SYCP2L: variants seen among roughly 807,000 people sequenced by gnomAD.
SYCP2L encodes synaptonemal complex protein 2 like.
In SYCP2L, 98 loss-of-function variants were observed where a neutral mutation model predicts 125.8. That is an observed-to-expected ratio of 0.78 (90% CI 0.66 to 0.92). SYCP2L has a LOEUF of 0.92. SYCP2L is among the 40% of genes least tolerant of loss of function. SYCP2L has a pLI of 0.00. For missense variants in SYCP2L, 842 were observed against 936.4 expected, an observed-to-expected ratio of 0.90 and a Z score of 1.32; for synonymous variants, 317 against 325.4, an observed-to-expected ratio of 0.97 and a Z score of 0.28.
intron 9 of SYCP2L, among the ~76,000 whole-genome samples, chr6:10,906,580 G>T (rs1188240066): frequency 6.6e-6 from 1 of 151,264 alleles, no homozygotes; most frequent in Non-Finnish European, 1.5e-5. Flanking sequence ...GTTATTTTGG[G>T]ATTTTATTTT....
Position 10,902,904 on chromosome 6 carries a change from C to T in SYCP2L, c.582C>T (p.His194=), listed in dbSNP as rs781782154. The change falls in exon 8 of 30, where the codon CAC becomes CAT. Residue 194 remains histidine (H), a synonymous_variant. Transcript: ENST00000283141. ...EGLKTFNCIL[H]AVPREERKKF... ...TGAAGACTTTTAACTGCATTTTGCA[C>T]GCTGTCCCTCGAGAAGAGAGAAAAA... 4.5e-5 allele frequency: 73 copies of T among 1,614,054 alleles called. No homozygotes were observed. The East Asian group carries it at 6.0e-4, about 13-fold the overall frequency.
chr6:10,919,761 G>A (rs1413352649), intron 14 of SYCP2L, among the ~76,000 whole-genome samples: 1 of 152,098 alleles, frequency 6.6e-6, no homozygotes, highest in Non-Finnish European at 1.5e-5. Flanking sequence ...GGCTGCTGTG[G>A]GGATATGGGT....
chr6:10,939,180 G>T (rs1048880994), intron 21 of SYCP2L, among the ~76,000 whole-genome samples: 3 of 151,886 alleles, frequency 2.0e-5, no homozygotes, highest in African/African-American at 7.3e-5. Flanking sequence ...AATAACCAAG[G>T]AGGTGAAAGG....
At chr6:10,905,656 G>C (rs1439242029) in intron 8 of SYCP2L, among the ~76,000 whole-genome samples, 1 of 152,126 alleles carries the variant, frequency 6.6e-6, no homozygotes, top group Non-Finnish European at 1.5e-5. Flanking sequence ...ATCATTTCCT[G>C]CAAGTATCAA....
chr6:10,914,719 TG>T (rs1421490164), intron 14 of SYCP2L, among the ~76,000 whole-genome samples: 3 of 150,346 alleles, frequency 2.0e-5, no homozygotes, highest in Non-Finnish European at 3.0e-5. Flanking sequence ...TTCACCTCCT[TG>T]GTTAGGTATA....
At position 10,917,243 on chromosome 6, in the gene SYCP2L, A is replaced by G. The variant is rs532695004; in HGVS notation, c.1072+4316A>G. Among the ~76,000 whole-genome samples the G allele has an allele frequency of 6.6e-5, 10 of 152,276 alleles. No homozygotes were observed. The South Asian group carries it at 2.1e-3, about 32-fold the overall frequency. On this transcript the variant is annotated intron_variant, in intron 14 of 29. Transcript: ENST00000283141. ...ACCTGTTTAGTGCTGTCAGTGGAGT[A>G]TTGAAGTCCCCCACGATTATCGTGT...
In SYCP2L at chr6:10,935,069, A is replaced by G. The variant is rs372352728; in HGVS notation, c.1695A>G (p.Leu565=). 3.8e-5 allele frequency: 61 copies of G among 1,607,630 alleles called. No individual in the cohort carries two copies. The African/African-American group carries it at 4.7e-4, about 12-fold the overall frequency. The change falls in exon 21 of 30, where the codon CTA becomes CTG. Residue 565 remains leucine, a synonymous_variant. Transcript: ENST00000283141. ...ATACTATATTTTAGGCTAAGCTTCTATCACCATCAGAGAAAGAAATACCCG... is the reference window on the plus strand; with the variant it reads ...ATACTATATTTTAGGCTAAGCTTCTGTCACCATCAGAGAAAGAAATACCCG... ...SGHEKDQAKL[L]SPSEKEIPEQ... is the part of the protein sequence containing the mutation.
chr6:10,935,774 C>T (rs954142094), intron 21 of SYCP2L, among the ~76,000 whole-genome samples: 6 of 152,226 alleles, frequency 3.9e-5, no homozygotes, highest in South Asian at 2.1e-4. Context: ...GGACTACAGG[C>T]GTGAGCCACC....
At position 10,969,408 on chromosome 6, in the gene SYCP2L, T is replaced by C. The variant is rs1037126050; in HGVS notation, c.*38-4544T>C. 2.4e-4 allele frequency among the ~76,000 whole-genome samples: 36 copies of C among 147,968 alleles called. 1 individual carries two copies. Among genetic ancestry groups the C allele is most frequent in the South Asian group, 2.0e-3 (9 of 4,612 alleles). ...TGGAGTCTAGCTGTGTCGCCCAGGC[T>C]GGAGTGCAGTGGCATGATCTTGGCT... is the stretch of plus-strand genomic sequence containing the variant. On this transcript the variant is annotated intron_variant, in intron 29 of 29. Transcript: ENST00000283141.
intron 28 of SYCP2L, among the ~76,000 whole-genome samples, chr6:10,962,699 CTA>C (rs1213673448): frequency 1.3e-5 from 2 of 151,962 alleles, no homozygotes; most frequent in African/African-American, 2.4e-5. Context: ...TGAAAAATAA[CTA>C]TGACTTTTCA....
chr6:10,945,244 G>T (rs1390655717), intron 23 of SYCP2L, among the ~76,000 whole-genome samples: 1 of 152,150 alleles, frequency 6.6e-6, no homozygotes, highest in African/African-American at 2.4e-5. Context: ...GTGGTTAAAA[G>T]AGTATATTTC....
chr6:10,898,751 A>G, intron 5 of SYCP2L, 73 bp from the exon 6 acceptor site: 1 of 1,009,516 alleles, frequency 9.9e-7, no homozygotes. Flanking sequence ...AGTTAACACT[A>G]ATACATTCAC....
chr6:10,911,022 G>T (rs116459338), intron 12 of SYCP2L, among the ~76,000 whole-genome samples, 153 bp downstream of exon 12: 1 of 152,004 alleles, frequency 6.6e-6, no homozygotes, highest in Non-Finnish European at 1.5e-5. Flanking sequence ...TTCTCAAACC[G>T]ATCATACCAT....
intron 29 of SYCP2L, among the ~76,000 whole-genome samples, chr6:10,964,333 T>G (rs1781643613): frequency 6.6e-6 from 1 of 152,140 alleles, no homozygotes; most frequent in African/African-American, 2.4e-5. Flanking sequence ...CAGTAAGTGT[T>G]TATAACTGAA....
rs755582038 is a variant in SYCP2L at position 10,902,758 on chromosome 6, A to T, written c.548A>T (p.Gln183Leu). 8.7e-6 allele frequency: 14 copies of T among 1,614,016 alleles called. No individual in the cohort carries two copies. The South Asian group carries it at 1.4e-4, about 16-fold the overall frequency. ...AAGACTGTAAATCATTTGCTTCAAC[A>T]GGAGGTGAGTTGCAAGTAACAAAAC... ...TEKTVNHLLQ[Q>L]EGLKTFNCIL... Residue 183 changes from glutamine to leucine, a missense_variant, in exon 7 of 30, where the codon CAG becomes CTG. Gln to Leu is a moderately radical substitution (Grantham distance 113). Coordinates refer to ENST00000283141, the MANE Select transcript of SYCP2L (RefSeq NM_001040274.3).
chr6:10,900,785 CG>C (rs529244114), intron 6 of SYCP2L, among the ~76,000 whole-genome samples: 4 of 151,954 alleles, frequency 2.6e-5, no homozygotes, highest in African/African-American at 9.7e-5. Context: ...ATATGAATTT[CG>C]GGGGGGGACA....
At chr6:10,891,655 G>C in intron 2 of SYCP2L, 74 bp downstream of exon 2, 1 of 799,516 alleles carries the variant, frequency 1.3e-6, no homozygotes, top group East Asian at 2.8e-5. Flanking sequence ...GTGTGTGTGT[G>C]TGTGTGTGTA....
rs529067514 is a variant in SYCP2L at position 10,933,087 on chromosome 6, C to T, written c.1683+1598C>T. Among the ~76,000 whole-genome samples the T allele has an allele frequency of 2.0e-5, 3 of 152,328 alleles. No individual in the cohort carries two copies. The East Asian group carries it at 5.8e-4, about 29-fold the overall frequency. ...AAAAATCGATAAATTTAAGCTGTGC[C>T]TCTGGCAAGAAATCTATGTTGATTT... On this transcript the variant is annotated intron_variant, in intron 20 of 29. Transcript: ENST00000283141.
intron 10 of SYCP2L, among the ~76,000 whole-genome samples, chr6:10,909,654 T>C (rs1698009698): frequency 6.6e-6 from 1 of 152,162 alleles, no homozygotes; most frequent in South Asian, 2.1e-4. Flanking sequence ...TCTTAGAACA[T>C]ATGCTAGGAG....
Sources: allele counts gnomAD v4.1 joint callset (sites outside exome capture counted in the v4.1 genomes callset), GRCh38; gene constraint gnomAD v4.1.1; transcripts MANE v1.5; gene names NCBI Gene and HGNC (gene_info 2026-07-23, HGNC 2026-07-21).